The following KLHL26 variants were observed in gnomAD, a reference collection of about 807,000 sequenced individuals.
KLHL26 encodes kelch like family member 26, also known as kelch-like protein 26.
In KLHL26, 4 loss-of-function variants were observed where a neutral mutation model predicts 7.1. The observed-to-expected ratio is 0.56, with a 90% CI of 0.28 to 1.28. The LOEUF (loss-of-function observed/expected upper bound fraction) is 1.28. Ranked by LOEUF, KLHL26 falls within the 50% of genes most tolerant of loss-of-function variation. KLHL26 has a pLI of 0.11. For synonymous variants in KLHL26, 465 were observed against 414.1 expected (o/e 1.12, Z -1.49); for missense variants, 896 against 924.6 (o/e 0.97, Z 0.40).
chr19:18,655,578 G>T (rs1385706872), intron 1 of KLHL26, among the ~76,000 whole-genome samples: 2 of 152,208 alleles, frequency 1.3e-5, no homozygotes, highest in Non-Finnish European at 2.9e-5. Flanking sequence ...CACAAGGTGG[G>T]CCAGGAGCCA....
At chr19:18,664,634 T>C (rs890366420) in intron 2 of KLHL26, among the ~76,000 whole-genome samples, 191 bp downstream of exon 2, 1 of 150,836 alleles carries the variant, frequency 6.6e-6, no homozygotes, top group African/African-American at 2.4e-5. Flanking sequence ...CAGGCTGGAG[T>C]GCAGTGGCAC....
chr19:18,665,629 C>A (rs572920131), intron 2 of KLHL26, among the ~76,000 whole-genome samples: 1 of 152,362 alleles, frequency 6.6e-6, no homozygotes, highest in East Asian at 1.9e-4. Flanking sequence ...ACAGAAGAGG[C>A]CATGGCGGGC....
intron 1 of KLHL26, among the ~76,000 whole-genome samples, chr19:18,657,051 G>C (rs563338978): frequency 3.4e-4 from 52 of 151,496 alleles, no homozygotes; most frequent in African/African-American, 1.1e-3. Flanking sequence ...CTGCATCTCT[G>C]TCCCTCTGTC....
intron 2 of KLHL26, among the ~76,000 whole-genome samples, chr19:18,664,915 A>G (rs2052432134): frequency 6.6e-6 from 1 of 151,902 alleles, no homozygotes; most frequent in Admixed American, 6.6e-5. Flanking sequence ...TTTAATGTCC[A>G]GTAAACCTGC....
intron 1 of KLHL26, among the ~76,000 whole-genome samples, chr19:18,652,819 G>A (rs964413026): frequency 5.9e-5 from 9 of 152,184 alleles, no homozygotes; most frequent in Admixed American, 3.3e-4. Context: ...CTTTGTATAA[G>A]GCCATCAACT....
At chr19:18,639,403 G>GTTTTTTTTTTT (rs34034254) in intron 1 of KLHL26, among the ~76,000 whole-genome samples, 1 of 71,188 alleles carries the variant, frequency 1.4e-5, no homozygotes. Flanking sequence ...TTATCATTAA[G>GTTTTTTTTTTT]TTTTTTTTTT....
chr19:18,669,306 A>G lies in KLHL26; in HGVS notation c.*61A>G. ...GTTGTCTCCAAGTGGGGCTTGGCGA[A>G]TGCACGTCTGCCTGAGAACCCCAGT... On this transcript the variant is annotated 3_prime_UTR_variant, in exon 3 of 3. Coordinates refer to ENST00000300976, the MANE Select transcript of KLHL26 (RefSeq NM_018316.3). The G allele has an allele frequency of 7.3e-7, 1 of 1,375,318 alleles. No individual in the cohort carries two copies. The highest frequency in any genetic ancestry group is 2.3e-5 in the East Asian group (1 of 43,650). 85.2% of individuals were successfully genotyped at this position (1,375,318 alleles called of 1,614,324 possible). A position where few individuals can be genotyped will look rare whatever the true frequency, so the allele number is the denominator to read the frequency against.
chr19:18,661,478 T>G lies in KLHL26; in HGVS notation c.84-2783T>G, dbSNP rs547097725. Among the ~76,000 whole-genome samples, 11 of 152,272 alleles carry G rather than the reference T, an allele frequency of 7.2e-5. 1 individual carries two copies. Among genetic ancestry groups the G allele is most frequent in the African/African-American group, 2.6e-4 (11 of 41,558 alleles). On this transcript the variant is annotated intron_variant, in intron 1 of 2. Transcript: ENST00000300976. ...GGGCAGATGCATATGTGTGGCACTT[T>G]GAGCCCAAATAGCATCCCACTGTGT...
chr19:18,662,772 G>A (rs756602261), intron 1 of KLHL26, among the ~76,000 whole-genome samples: 2 of 152,106 alleles, frequency 1.3e-5, no homozygotes, highest in Admixed American at 6.5e-5. Context: ...ATCTGGATCT[G>A]TCATGGGTCT....
intron 1 of KLHL26, among the ~76,000 whole-genome samples, chr19:18,660,462 C>G (rs2052381225): frequency 6.6e-6 from 1 of 152,198 alleles, no homozygotes; most frequent in South Asian, 2.1e-4. Flanking sequence ...CTCGAGTGGC[C>G]GTCTGGAGAC....
At chr19:18,658,363 G>A (rs768725216) in intron 1 of KLHL26, among the ~76,000 whole-genome samples, 1 of 151,934 alleles carries the variant, frequency 6.6e-6, no homozygotes, top group Non-Finnish European at 1.5e-5. Context: ...TCTGGCACTC[G>A]AGCCCCACAC....
In KLHL26 at chr19:18,649,763, C is replaced by T. The variant is rs1391261754; in HGVS notation, c.83+12626C>T. On this transcript the variant is annotated intron_variant, in intron 1 of 2. Transcript: ENST00000300976. This position sits in a 1 kb window ranked among gnomAD's most constrained non-coding sequence, Gnocchi z 4.0. ...CAGCCTCCAGTCCCTTCCTGCCCCCCACCCCGCCCCTTCCACATGTCTCTC... is the reference window on the plus strand; with the variant it reads ...CAGCCTCCAGTCCCTTCCTGCCCCCTACCCCGCCCCTTCCACATGTCTCTC... 1.3e-5 allele frequency among the ~76,000 whole-genome samples: 2 copies of T among 152,202 alleles called. No homozygotes were observed. Among genetic ancestry groups the T allele is most frequent in the Non-Finnish European group, 2.9e-5 (2 of 68,028 alleles).
Position 18,648,238 on chromosome 19 carries a change from C to T in KLHL26, c.83+11101C>T, listed in dbSNP as rs1011232699. On this transcript the variant is annotated intron_variant, in intron 1 of 2. Transcript: ENST00000300976. The surrounding 1 kb of genome is among the most constrained non-coding windows in gnomAD (Gnocchi z 4.9). ...ACACAAAACTAGCTGGGCGCAGTGG[C>T]GGGTGCTTGTAGTCCCAGCTGCTCT... Among the ~76,000 whole-genome samples the T allele has an allele frequency of 2.6e-5, 4 of 152,172 alleles. No individual in the cohort carries two copies. The highest frequency in any genetic ancestry group is 9.7e-5 in the African/African-American group (4 of 41,446).
At chr19:18,664,475 C>T (rs368935007) in intron 2 of KLHL26, 32 bp downstream of exon 2, 205 of 1,516,110 alleles carry the variant, frequency 1.4e-4, no homozygotes, top group South Asian at 7.0e-4. Flanking sequence ...CTGGAAGGGG[C>T]GGCTGCCTGT....
intron 1 of KLHL26, among the ~76,000 whole-genome samples, chr19:18,653,450 ACC>A (rs929498317): frequency 1.0e-5 from 1 of 100,498 alleles, no homozygotes; most frequent in Non-Finnish European, 2.0e-5. Flanking sequence ...CCATCCACCC[ACC>A]CATCCACCTG....
In KLHL26 at chr19:18,660,883, G is replaced by A. The variant is rs374166170; in HGVS notation, c.84-3378G>A. Among the ~76,000 whole-genome samples the A allele has an allele frequency of 9.2e-5, 14 of 152,334 alleles. No homozygotes were observed. The South Asian group carries it at 2.1e-3, about 23-fold the overall frequency. On this transcript the variant is annotated intron_variant, in intron 1 of 2. Coordinates refer to ENST00000300976, the MANE Select transcript of KLHL26 (RefSeq NM_018316.3). ...ACCAGGGCATGAGGAGGAGGCCTGG[G>A]GAGGACAAGCTGCTTCCTCCCCTCT...
rs1350665684 is a variant in KLHL26, at chr19:18,668,618, G to A, written c.1221G>A (p.Gln407=). 1.3e-6 allele frequency: 2 copies of A among 1,584,212 alleles called. No individual in the cohort carries two copies. Among genetic ancestry groups the A allele is most frequent in the South Asian group, 2.2e-5 (2 of 89,396 alleles). Reference sequence around the variant, plus strand: ...TGCAGGAAAGCCGCATCCAGTTCCAGCTGAACGTGCTGTGCGGCATGGTGT... The same window carrying A: ...TGCAGGAAAGCCGCATCCAGTTCCAACTGAACGTGCTGTGCGGCATGGTGT... ...QAMQESRIQF[Q]LNVLCGMVYA... is the part of the protein sequence containing the mutation. The change falls in exon 3 of 3, where the codon CAG becomes CAA. Residue 407 remains glutamine (Q), a synonymous_variant. Coordinates refer to ENST00000300976, the MANE Select transcript of KLHL26 (RefSeq NM_018316.3).
Position 18,664,378 on chromosome 19 carries a change from G to A in KLHL26, c.201G>A (p.Leu67=), listed in dbSNP as rs1413084839. The A allele has an allele frequency of 3.7e-6, 6 of 1,609,454 alleles. No individual in the cohort carries two copies. The highest frequency in any genetic ancestry group is 5.1e-6 in the Non-Finnish European group (6 of 1,179,674). Residue 67 remains leucine, a synonymous_variant, in exon 2 of 3, where the codon CTG becomes CTA. Transcript: ENST00000300976. ...RAQGQLLDVV[L]TINREAFPAH... ...AGGGCCAGCTCCTCGATGTTGTGCT[G>A]ACTATTAACAGAGAGGCCTTTCCTG...
At chr19:18,644,863 C>G (rs889437109) in intron 1 of KLHL26, among the ~76,000 whole-genome samples, 2 of 152,142 alleles carry the variant, frequency 1.3e-5, no homozygotes, top group African/African-American at 4.8e-5. Flanking sequence ...TGTCTTCCCC[C>G]TGGCCCTTCC....
Sources: gnomAD v4.1 joint callset for allele counts (sites outside exome capture counted in the v4.1 genomes callset) on GRCh38, gnomAD v4.1.1 for gene constraint, Gnocchi (gnomAD v3.1) non-coding constraint, MANE v1.5 for transcripts, NCBI Gene and HGNC (gene_info 2026-07-23, HGNC 2026-07-21) for gene names.